The following FBLN7 variants were observed in gnomAD, a reference collection of about 807,000 sequenced individuals.
FBLN7 encodes the protein fibulin 7.
A neutral mutation model predicts 44.0 loss-of-function variants in FBLN7; 31 were observed. That is an observed-to-expected ratio of 0.70 (90% CI 0.53 to 0.95). The LOEUF (loss-of-function observed/expected upper bound fraction) is 0.95, where lower values mean the gene tolerates loss of function less well. Among genes scored for constraint, FBLN7 ranks in the 40% least tolerant of loss-of-function variants. The probability of loss-of-function intolerance (pLI) is 0.00; values close to 1 mark genes in which losing one functional copy is unlikely to be tolerated. For missense variants in FBLN7, 573 were observed against 618.5 expected (o/e 0.93, Z 0.78); for synonymous variants, 262 against 253.4 (o/e 1.03, Z -0.32).
chr2:112,228,470 C>T, the FBLN7 span, among the ~76,000 whole-genome samples: 1 of 151,186 alleles, frequency 6.6e-6, no homozygotes, highest in Non-Finnish European at 1.5e-5. Flanking sequence ...CCACTGCACT[C>T]CAGTCTGGCA....
At chr2:112,183,457 G>A (rs1032121031) in intron 6 of FBLN7, among the ~76,000 whole-genome samples, 2 of 152,174 alleles carry the variant, frequency 1.3e-5, no homozygotes, top group Admixed American at 6.5e-5. Flanking sequence ...GACAAGAGTC[G>A]GGGGCATCAC....
At chr2:112,178,370 A>C (rs1361117542) in intron 4 of FBLN7, among the ~76,000 whole-genome samples, 1 of 152,130 alleles carries the variant, frequency 6.6e-6, no homozygotes, top group Non-Finnish European at 1.5e-5. Context: ...ATAGCCTACC[A>C]ACCAAAAAAA....
the FBLN7 span, among the ~76,000 whole-genome samples, chr2:112,193,576 CGT>C: frequency 6.6e-6 from 1 of 152,126 alleles, no homozygotes; most frequent in Non-Finnish European, 1.5e-5. Context: ...CGTTTTAAAA[CGT>C]ATGTTATTTT....
chr2:112,167,011 C>T (rs936857149), intron 3 of FBLN7, among the ~76,000 whole-genome samples: 2 of 152,232 alleles, frequency 1.3e-5, no homozygotes, highest in Non-Finnish European at 2.9e-5. Context: ...TGGAGAGGGC[C>T]TACTGGCTTC....
chr2:112,151,559 C>T (rs1681162707), intron 1 of FBLN7: 1 of 152,272 alleles, frequency 6.6e-6, no homozygotes, highest in South Asian at 2.1e-4. Context: ...AGGGAAACTC[C>T]TCACCATGGA....
the FBLN7 span, among the ~76,000 whole-genome samples, chr2:112,194,037 G>C: frequency 6.6e-6 from 1 of 152,166 alleles, no homozygotes. Context: ...AGAGCACAGG[G>C]GAATAGTTTC....
At chr2:112,146,927 C>T (rs1459120687) in intron 1 of FBLN7, among the ~76,000 whole-genome samples, 1 of 152,152 alleles carries the variant, frequency 6.6e-6, no homozygotes, top group Admixed American at 6.5e-5. Context: ...ATGGTTCTGG[C>T]TGTAGGTTTT....
intron 4 of FBLN7, among the ~76,000 whole-genome samples, chr2:112,178,936 G>A (rs1415068015): frequency 6.6e-6 from 1 of 152,194 alleles, no homozygotes; most frequent in Non-Finnish European, 1.5e-5. Context: ...ATAAGACAGG[G>A]ATGCCCTTTC....
the FBLN7 span, chr2:112,230,858 A>G: frequency 8.1e-7 from 1 of 1,229,788 alleles, no homozygotes; most frequent in Admixed American, 4.0e-5. Context: ...ACTTCTGGAG[A>G]TGTTCAGACA....
At chr2:112,194,413 A>G in the FBLN7 span, among the ~76,000 whole-genome samples, 51 of 152,290 alleles carry the variant, frequency 3.3e-4, no homozygotes, top group African/African-American at 1.0e-3. Context: ...CTCCTTGGGC[A>G]CAAGTTCAGA....
chr2:112,243,206 C>T, the FBLN7 span, among the ~76,000 whole-genome samples: 3 of 152,216 alleles, frequency 2.0e-5, no homozygotes, highest in Admixed American at 2.0e-4. Context: ...ATTTTGCACA[C>T]TCAAACAGTT....
chr2:112,241,820 T>G, the FBLN7 span, among the ~76,000 whole-genome samples: 3 of 152,250 alleles, frequency 2.0e-5, no homozygotes, highest in African/African-American at 7.2e-5. Flanking sequence ...CTATAGCATT[T>G]GTTTTTAATA....
chr2:112,169,097 C>A (rs1310146433), intron 3 of FBLN7, among the ~76,000 whole-genome samples: 1 of 152,148 alleles, frequency 6.6e-6, no homozygotes, highest in East Asian at 1.9e-4. Context: ...GTGGTGAAAC[C>A]CCATCTCTAC....
chr2:112,241,250 A>G, the FBLN7 span, among the ~76,000 whole-genome samples: 7 of 152,136 alleles, frequency 4.6e-5, no homozygotes, highest in South Asian at 6.2e-4. Context: ...TTTCCCTAGG[A>G]AAAAAAGAGA....
the FBLN7 span, chr2:112,215,568 A>G: frequency 4.6e-5 from 7 of 152,232 alleles, no homozygotes; most frequent in African/African-American, 1.7e-4. Context: ...TATGTCCAGC[A>G]AGTTGGTAAT....
At chr2:112,164,825 C>G (rs1323332635) in intron 2 of FBLN7, among the ~76,000 whole-genome samples, 176 bp from the exon 3 acceptor site, 5 of 152,190 alleles carry the variant, frequency 3.3e-5, no homozygotes, top group African/African-American at 1.2e-4. Context: ...CACCCATCCC[C>G]AAGAGAGCTT....
chr2:112,165,886 T>C (rs1169500051), intron 3 of FBLN7, among the ~76,000 whole-genome samples: 1 of 152,140 alleles, frequency 6.6e-6, no homozygotes, highest in Non-Finnish European at 1.5e-5. Flanking sequence ...AAACCCATGG[T>C]CAAAAAAATC....
At chr2:112,139,889 C>A (rs1680541332) in intron 1 of FBLN7, among the ~76,000 whole-genome samples, 1 of 86,676 alleles carries the variant, frequency 1.2e-5, no homozygotes, top group Non-Finnish European at 2.3e-5. Context: ...AGGCCAGTGT[C>A]CCTCCCGCCT....
In FBLN7 at chr2:112,182,827, GC is replaced by G. The variant is rs1683071308; in HGVS notation, c.712del (p.Arg238GlyfsTer8). 8 of 1,610,068 alleles carry G rather than the reference GC, an allele frequency of 5.0e-6. No individual in the cohort carries two copies. The highest frequency in any genetic ancestry group is 1.7e-5 in the Admixed American group (1 of 59,362). ...NECELYGQEGRPRLCMHACVN... is the reference protein window; with the variant it reads ...NECELYGQEGXPRLCMHACVN... ...TGTGAGCTCTACGGGCAGGAGGGGC[GC>G]CCCCGGCTCTGCATGCACGCCTGCG... On this transcript the variant is annotated frameshift_variant, in exon 6 of 8. Coordinates refer to ENST00000331203, the MANE Select transcript of FBLN7 (RefSeq NM_153214.3). LOFTEE classifies it high-confidence loss of function.
Sources: gnomAD v4.1 joint callset for allele counts (sites outside exome capture counted in the v4.1 genomes callset) on GRCh38, gnomAD v4.1.1 for gene constraint, MANE v1.5 for transcripts, NCBI Gene and HGNC (gene_info 2026-07-23, HGNC 2026-07-21) for gene names.